Variants in RELCH observed in about 807,000 individuals in gnomAD.
The protein encoded by RELCH is RAB11-binding protein RELCH.
RELCH carries 41 observed loss-of-function variants against 150.3 expected under a neutral mutation model. The ratio of observed to expected loss-of-function variants is 0.27; its 90% CI spans 0.21 to 0.35. RELCH has a LOEUF of 0.35. Ranked by LOEUF, RELCH falls within the 10% of genes least tolerant of loss-of-function variation. The pLI is 1.00. For missense variants in RELCH, 1,092 were observed against 1,467.8 expected (o/e 0.74, Z 4.18); for synonymous variants, 478 against 531.8 (o/e 0.90, Z 1.39).
intron 18 of RELCH, among the ~76,000 whole-genome samples, chr18:62,265,517 G>C (rs947571096): frequency 1.3e-5 from 2 of 151,986 alleles, no homozygotes; most frequent in Admixed American, 6.6e-5. Flanking sequence ...ATAAAAAGGT[G>C]TAGTTTCTAT....
intron 10 of RELCH, 81 bp from the exon 11 acceptor site, chr18:62,244,683 C>T (rs1235739248): frequency 1.1e-6 from 1 of 887,034 alleles, no homozygotes; most frequent in African/African-American, 1.7e-5. Context: ...TTTAAATGTC[C>T]ATTTAAGAAT....
In RELCH at chr18:62,228,750, TTG is replaced by T. The variant is rs2041371113; in HGVS notation, c.1448+154_1448+155del. 19 of 591,042 alleles carry T rather than the reference TTG, an allele frequency of 3.2e-5. No homozygotes were observed. The South Asian group carries it at 5.1e-4, about 16-fold the overall frequency. The allele number at this position is 591,042 out of a possible 1,614,324, so 36.6% of individuals were successfully genotyped here. The stretch of plus-strand genomic sequence containing the variant: ...ATGAACTTAACACATAGCAAAGTAG[TTG>T]TCACAAAAAAGTCACAAAATTATTA... On this transcript the variant is annotated intron_variant, in intron 8 of 28. Transcript: ENST00000644646.
intron 12 of RELCH, among the ~76,000 whole-genome samples, chr18:62,253,063 G>T (rs944073997): frequency 6.6e-6 from 1 of 152,096 alleles, no homozygotes; most frequent in Non-Finnish European, 1.5e-5. Context: ...GAAATGGTCT[G>T]CTATTTTGTA....
chr18:62,292,015 C>T (rs571938212), intron 27 of RELCH, among the ~76,000 whole-genome samples: 22 of 152,270 alleles, frequency 1.4e-4, no homozygotes, highest in Non-Finnish European at 2.8e-4. Flanking sequence ...TGTTTCCCCT[C>T]GTTTCCTCCA....
At chr18:62,220,285 A>T (rs1381708284) in intron 2 of RELCH, among the ~76,000 whole-genome samples, 2 of 151,640 alleles carry the variant, frequency 1.3e-5, no homozygotes, top group Non-Finnish European at 2.9e-5. Context: ...TTGCTATAGA[A>T]TTATCTTAAT....
chr18:62,287,326 T>G (rs529817606), intron 25 of RELCH, 25 bp from the exon 26 acceptor site: 5 of 1,191,302 alleles, frequency 4.2e-6, no homozygotes, highest in Admixed American at 1.7e-5. Context: ...GGGTAAAAAT[T>G]TAACCCTTTT....
chr18:62,234,348 C>T (rs2041763796), intron 10 of RELCH, among the ~76,000 whole-genome samples: 1 of 150,824 alleles, frequency 6.6e-6, no homozygotes, highest in Admixed American at 6.6e-5. Flanking sequence ...GGCAGGTTCT[C>T]ACACTGTCAC....
chr18:62,208,148 C>T (rs546526225), intron 1 of RELCH, among the ~76,000 whole-genome samples: 1 of 152,200 alleles, frequency 6.6e-6, no homozygotes, highest in Admixed American at 6.5e-5. Context: ...TATCATTTCC[C>T]TTTTGAGCAT....
In RELCH at chr18:62,273,036, C is replaced by CA. The variant is rs200662662; in HGVS notation, c.2761-932dup. On this transcript the variant is annotated intron_variant, in intron 20 of 28. Coordinates refer to ENST00000644646, the MANE Select transcript of RELCH (RefSeq NM_001346231.2). Reference sequence around the variant, plus strand: ...ATTCTTAACTAACCTGATTATGTAGCAAAAAAAAAAAAGGATAGGTGGTAA... The same window carrying CA: ...ATTCTTAACTAACCTGATTATGTAGCAAAAAAAAAAAAAGGATAGGTGGTAA... Among the ~76,000 whole-genome samples the CA allele has an allele frequency of 2.7e-3, 375 of 137,394 alleles. 1 individual carries two copies. The highest frequency in any genetic ancestry group is 8.7e-3 in the South Asian group (38 of 4,392). 90.1% of individuals were successfully genotyped at this position (137,394 alleles called of 152,430 possible).
At position 62,219,393 on chromosome 18, in the gene RELCH, A is replaced by G. The variant is rs1267755924; in HGVS notation, c.617-1644A>G. Among the ~76,000 whole-genome samples the G allele has an allele frequency of 3.1e-5, 4 of 130,326 alleles. No individual in the cohort carries two copies. In the South Asian group the frequency reaches 7.1e-4, roughly 23 times the overall value. 85.5% of individuals were successfully genotyped at this position (130,326 alleles called of 152,430 possible). A position where few individuals can be genotyped will look rare whatever the true frequency, so the allele number is the denominator to read the frequency against. ...CACTTCTGATCTGCAATTGTTCTGT[A>G]ATGTCTTAGAAAATTTTAAGTGATA... On this transcript the variant is annotated intron_variant, in intron 2 of 28. Coordinates refer to ENST00000644646, the MANE Select transcript of RELCH (RefSeq NM_001346231.2).
At chr18:62,191,895 C>T (rs1022807334) in intron 1 of RELCH, among the ~76,000 whole-genome samples, 2 of 152,124 alleles carry the variant, frequency 1.3e-5, no homozygotes, top group African/African-American at 4.8e-5. Flanking sequence ...ATTTACATTC[C>T]TTTGGGCATA....
chr18:62,271,846 T>C (rs1386553173), intron 20 of RELCH, among the ~76,000 whole-genome samples: 1 of 152,216 alleles, frequency 6.6e-6, no homozygotes, highest in Admixed American at 6.5e-5. Flanking sequence ...AAATAGGGAA[T>C]CCTTTCCCCA....
intron 18 of RELCH, 140 bp downstream of exon 18, chr18:62,264,992 T>TA (rs927631030): frequency 7.9e-5 from 50 of 634,592 alleles, no homozygotes; most frequent in Non-Finnish European, 1.0e-4. Context: ...ACTATGATAG[T>TA]AAAAAAAAGT....
At chr18:62,284,499 A>C (rs189106175) in intron 25 of RELCH, 145 of 152,280 alleles carry the variant, frequency 9.5e-4, no homozygotes, top group African/African-American at 3.4e-3. Context: ...TTAAGATAAA[A>C]ATTAGCCTTT....
chr18:62,284,165 G>GT (rs2044671465), intron 25 of RELCH: 1 of 152,134 alleles, frequency 6.6e-6, no homozygotes, highest in Admixed American at 6.5e-5. Context: ...ATTAAACATA[G>GT]TGTCAATATC....
chr18:62,280,737 C>A, intron 24 of RELCH, 28 bp downstream of exon 24: 2 of 1,422,462 alleles, frequency 1.4e-6, no homozygotes, highest in South Asian at 1.2e-5. Flanking sequence ...TTATTTATGT[C>A]TGTGTAATAT....
chr18:62,222,005 T>C (rs1485996522), intron 5 of RELCH, among the ~76,000 whole-genome samples: 1 of 151,964 alleles, frequency 6.6e-6, no homozygotes, highest in Non-Finnish European at 1.5e-5. Flanking sequence ...AAAATCTCTT[T>C]AAGCAAAAAA....
Position 62,305,327 on chromosome 18 carries a change from T to A in RELCH, c.3531-87T>A, listed in dbSNP as rs868494053. 1.8e-6 allele frequency: 2 copies of A among 1,142,792 alleles called. No individual in the cohort carries two copies. Among genetic ancestry groups the A allele is most frequent in the Admixed American group, 2.5e-5 (1 of 40,552 alleles). The allele number at this position is 1,142,792 out of a possible 1,614,324, so 70.8% of individuals were successfully genotyped here. A position where few individuals can be genotyped will look rare whatever the true frequency, so the allele number is the denominator to read the frequency against. ...TCCCTTTTGTGACGCCAATTCAGAG[T>A]GTGTTCGTTAATGATATGCTACTAA... is the stretch of plus-strand genomic sequence containing the variant. On this transcript the variant is annotated intron_variant, in intron 28 of 28. Transcript: ENST00000644646. This position sits in a 1 kb window ranked among gnomAD's most constrained non-coding sequence, Gnocchi z 4.0.
chr18:62,249,227 A>G (rs2042577599), intron 11 of RELCH, among the ~76,000 whole-genome samples: 1 of 152,230 alleles, frequency 6.6e-6, no homozygotes, highest in African/African-American at 2.4e-5. Flanking sequence ...TATGAAAGAT[A>G]TCAAGCTTAT....
Sources: gnomAD v4.1 joint callset for allele counts (sites outside exome capture counted in the v4.1 genomes callset) on GRCh38, gnomAD v4.1.1 for gene constraint, Gnocchi (gnomAD v3.1) non-coding constraint, MANE v1.5 for transcripts, NCBI Gene and HGNC (gene_info 2026-07-23, HGNC 2026-07-21) for gene names.